HSPA4: variants seen among roughly 807,000 people sequenced by gnomAD.
HSPA4 encodes heat shock 70 kDa protein 4.
Under a neutral mutation model 106.2 loss-of-function variants are expected in HSPA4, and 25 were observed. The ratio of observed to expected loss-of-function variants is 0.24; its 90% CI spans 0.17 to 0.33. The LOEUF is 0.33. HSPA4 is among the 10% of genes least tolerant of loss of function. The pLI, the probability that HSPA4 is intolerant of heterozygous loss-of-function variation, is 1.00. For missense variants in HSPA4, 841 were observed against 996.0 expected (o/e 0.84, Z 2.10); for synonymous variants, 332 against 333.6 (o/e 1.00, Z 0.05).
At chr5:133,103,054 G>GT (rs925577360) in intron 17 of HSPA4, among the ~76,000 whole-genome samples, 25 of 147,676 alleles carry the variant, frequency 1.7e-4, no homozygotes, top group East Asian at 6.0e-4. Context: ...TCCTTTTTTT[G>GT]TTTTTTTTTC....
chr5:133,102,627 A>G (rs1378999118), intron 17 of HSPA4, among the ~76,000 whole-genome samples: 1 of 152,158 alleles, frequency 6.6e-6, no homozygotes, highest in Non-Finnish European at 1.5e-5. Context: ...TCTGACTCCA[A>G]AGTTCAGACT....
rs1765450955 is a variant in HSPA4, at chr5:133,076,784, G to A, written c.794G>A (p.Arg265Gln). Reference sequence around the variant, plus strand: ...AAGTCCAAAATCCGTGCATTATTACGACTCTCTCAGGAGTGTGAGAAACTC... The same window carrying A: ...AAGTCCAAAATCCGTGCATTATTACAACTCTCTCAGGAGTGTGAGAAACTC... ...DIKSKIRALL[R>Q]LSQECEKLKK... Residue 265 changes from arginine to glutamine, a missense_variant, in exon 7 of 19, where the codon CGA becomes CAA. Physicochemically the swap from Arg to Gln is conservative, Grantham distance 43. This residue lies in a region of HSPA4 where 347 missense variants were observed against 408.7 expected (regional missense o/e 0.85). Transcript: ENST00000304858. 3 of 1,613,892 alleles carry A rather than the reference G, an allele frequency of 1.9e-6. No homozygotes were observed. The highest frequency in any genetic ancestry group is 1.1e-5 in the South Asian group (1 of 91,032).
chr5:133,063,101 T>C (rs1295940447), intron 1 of HSPA4, among the ~76,000 whole-genome samples: 1 of 99,946 alleles, frequency 1.0e-5, no homozygotes, highest in Non-Finnish European at 2.6e-5. Flanking sequence ...ATTTACTATC[T>C]TTTTTTTTTA....
intron 7 of HSPA4, among the ~76,000 whole-genome samples, chr5:133,085,909 C>G (rs1173486946): frequency 6.6e-6 from 1 of 152,146 alleles, no homozygotes; most frequent in African/African-American, 2.4e-5. Context: ...TCAGCATTGA[C>G]TCATTAATTG....
intron 12 of HSPA4, 129 bp from the exon 13 acceptor site, chr5:133,092,571 G>T: frequency 1.5e-6 from 1 of 683,386 alleles, no homozygotes; most frequent in Non-Finnish European, 2.6e-6. Context: ...GGCCTACCTG[G>T]AATTTTAGCA....
chr5:133,060,402 G>T (rs1421580048), intron 1 of HSPA4, among the ~76,000 whole-genome samples: 1 of 150,964 alleles, frequency 6.6e-6, no homozygotes, highest in East Asian at 1.9e-4. Context: ...TCGCTCTGTC[G>T]CCCAGGCCGG....
rs1026089324 is a variant in HSPA4 at position 133,105,909 on chromosome 5, A to C, written c.*1473A>C. On this transcript the variant is annotated 3_prime_UTR_variant, in exon 19 of 19. Coordinates refer to ENST00000304858, the MANE Select transcript of HSPA4 (RefSeq NM_002154.4). ...TACTTATGTTGGTGTGTAAGCATGC[A>C]TGGAGGCCTCGAGGCACCACAACAA... 2.6e-5 allele frequency: 4 copies of C among 151,874 alleles called. No homozygotes were observed. Among genetic ancestry groups the C allele is most frequent in the African/African-American group, 9.7e-5 (4 of 41,322 alleles). 9.4% of individuals were successfully genotyped at this position (151,874 alleles called of 1,614,324 possible).
Position 133,096,191 on chromosome 5 carries a change from G to A in HSPA4, c.1744G>A (p.Glu582Lys), listed in dbSNP as rs1169873107. Residue 582 changes from glutamate to lysine, a missense_variant, in exon 14 of 19, where the codon GAG becomes AAG. Around this residue, in one of 5 missense-constraint regions of HSPA4, gnomAD observed 328 missense variants for 372.2 expected, o/e 0.88. Coordinates refer to ENST00000304858, the MANE Select transcript of HSPA4 (RefSeq NM_002154.4). ...VKTSTVDLPI[E>K]NQLLWQIDRE... ...GACCAGTACTGTGGACCTGCCAATC[G>A]AGAATCAGCTATTATGGCAGATAGA... 2 of 1,613,796 alleles carry A rather than the reference G, an allele frequency of 1.2e-6. No individual in the cohort carries two copies. The highest frequency in any genetic ancestry group is 1.7e-6 in the Non-Finnish European group (2 of 1,179,842).
intron 13 of HSPA4, among the ~76,000 whole-genome samples, chr5:133,094,171 G>A (rs981965499): frequency 1.5e-4 from 23 of 152,270 alleles, no homozygotes; most frequent in African/African-American, 4.3e-4. Context: ...ATTTCAAAAA[G>A]AGTAGTAACA....
At chr5:133,092,426 G>A (rs1765657644) in intron 12 of HSPA4, among the ~76,000 whole-genome samples, 2 of 152,168 alleles carry the variant, frequency 1.3e-5, no homozygotes, top group Admixed American at 1.3e-4. Flanking sequence ...TGAACTGTGA[G>A]TACTTAATGG....
Position 133,104,804 on chromosome 5 carries a change from C to G in HSPA4, c.*368C>G. On this transcript the variant is annotated 3_prime_UTR_variant, in exon 19 of 19. Transcript: ENST00000304858. ...TTCATTATGACTTACATGGCAGGAG[C>G]TCTAATTATGCTTTAAAAATCTGTT... 4.7e-6 allele frequency: 1 copy of G among 214,212 alleles called. No homozygotes were observed. The highest frequency in any genetic ancestry group is 6.6e-5 in the South Asian group (1 of 15,192). The allele number at this position is 214,212 out of a possible 1,614,324, so 13.3% of individuals were successfully genotyped here. A position where few individuals can be genotyped will look rare whatever the true frequency, so the allele number is the denominator to read the frequency against.
chr5:133,105,477 TAAA>T lies in HSPA4; in HGVS notation c.*1042_*1044del, dbSNP rs1348785293. On this transcript the variant is annotated 3_prime_UTR_variant, in exon 19 of 19. Transcript: ENST00000304858. ...TACTGGATGAGTCTGAAATTAGTGT[TAAA>T]GAAGTGTGGTGCCTGATGTTATAAC... 6.6e-6 allele frequency: 1 copy of T among 152,216 alleles called. No individual in the cohort carries two copies. Among genetic ancestry groups the T allele is most frequent in the Admixed American group, 6.5e-5 (1 of 15,278 alleles). The allele number at this position is 152,216 out of a possible 1,614,324, so 9.4% of individuals were successfully genotyped here. A position where few individuals can be genotyped will look rare whatever the true frequency, so the allele number is the denominator to read the frequency against.
At chr5:133,083,098 G>A (rs1765534281) in intron 7 of HSPA4, among the ~76,000 whole-genome samples, 1 of 147,792 alleles carries the variant, frequency 6.8e-6, no homozygotes, top group African/African-American at 2.5e-5. Context: ...TACTGCCACT[G>A]CACTCCAGCC....
At position 133,092,806 on chromosome 5, in the gene HSPA4, G is replaced by GTTTTTTTTTT. The variant is rs57230598; in HGVS notation, c.1650+40_1650+49dup. ...GAAATGGAGGTATGCATTGGGTGGTGTTTTTTTTTTTTTTTTTTTTTTTTT... is the reference window on the plus strand; with the variant it reads ...GAAATGGAGGTATGCATTGGGTGGTGTTTTTTTTTTTTTTTTTTTTTTTTTTTTTTTTTTT... On this transcript the variant is annotated intron_variant, in intron 13 of 18. Coordinates refer to ENST00000304858, the MANE Select transcript of HSPA4 (RefSeq NM_002154.4). 1.1e-5 allele frequency: 5 copies of GTTTTTTTTTT among 474,026 alleles called. No homozygotes were observed. In the African/African-American group the frequency reaches 1.1e-4, roughly 10 times the overall value. The allele number at this position is 474,026 out of a possible 1,614,324, so 29.4% of individuals were successfully genotyped here.
intron 12 of HSPA4, among the ~76,000 whole-genome samples, chr5:133,092,009 A>C (rs1765653359): frequency 6.6e-6 from 1 of 152,200 alleles, no homozygotes; most frequent in Non-Finnish European, 1.5e-5. Context: ...TGTTTGCGCC[A>C]CTGCACTCTA....
At chr5:133,055,016 G>A (rs956932476) in intron 1 of HSPA4, among the ~76,000 whole-genome samples, 1 of 152,120 alleles carries the variant, frequency 6.6e-6, no homozygotes, top group African/African-American at 2.4e-5. Flanking sequence ...AAAGACAATA[G>A]CTACAACAAT....
At chr5:133,070,324 A>T in intron 3 of HSPA4, 50 bp from the exon 4 acceptor site, 1 of 1,568,314 alleles carries the variant, frequency 6.4e-7, no homozygotes, top group Non-Finnish European at 8.6e-7. Flanking sequence ...GGACTAGGAC[A>T]TGAAGAAAGA....
At position 133,052,221 on chromosome 5, in the gene HSPA4, C is replaced by A; in HGVS notation, c.-30C>A. On this transcript the variant is annotated 5_prime_UTR_variant, in exon 1 of 19. Transcript: ENST00000304858. Reference sequence around the variant, plus strand: ...CGTGTCCTGTCTCGGTGGCCGGACCCGGGCCCGAGCCCGAGCAGTAGCCGG... The same window carrying A: ...CGTGTCCTGTCTCGGTGGCCGGACCAGGGCCCGAGCCCGAGCAGTAGCCGG... 6.6e-7 allele frequency: 1 copy of A among 1,504,132 alleles called. No homozygotes were observed. The highest frequency in any genetic ancestry group is 9.0e-7 in the Non-Finnish European group (1 of 1,110,774). 93.2% of individuals were successfully genotyped at this position (1,504,132 alleles called of 1,614,324 possible).
rs968969734 is a variant in HSPA4, at chr5:133,106,348, T to G, written c.*1912T>G. The G allele has an allele frequency of 6.6e-6, 1 of 151,574 alleles. No individual in the cohort carries two copies. The highest frequency in any genetic ancestry group is 2.4e-5 in the African/African-American group (1 of 41,246). The allele number at this position is 151,574 out of a possible 1,614,324, so 9.4% of individuals were successfully genotyped here. ...TCCAGGTTGCGTTATCCAAACTGAT[T>G]TGTTAAAGCTCCAGGTCACGTTCTT... On this transcript the variant is annotated 3_prime_UTR_variant, in exon 19 of 19. Coordinates refer to ENST00000304858, the MANE Select transcript of HSPA4 (RefSeq NM_002154.4).
Sources: gnomAD v4.1 joint callset for allele counts (sites outside exome capture counted in the v4.1 genomes callset) on GRCh38, gnomAD v4.1.1 for gene constraint, gnomAD v4.1.1 regional missense constraint, MANE v1.5 for transcripts, NCBI Gene and HGNC (gene_info 2026-07-23, HGNC 2026-07-21) for gene names.